The following ACTR3B variants were observed in gnomAD, a reference collection of about 807,000 sequenced individuals.
ACTR3B encodes actin-related protein 3B.
A neutral mutation model predicts 59.0 loss-of-function variants in ACTR3B; 8 were observed. The observed-to-expected ratio is 0.14, with a 90% confidence interval of 0.08 to 0.24. ACTR3B has a LOEUF of 0.24. Among genes scored for constraint, ACTR3B ranks in the 10% least tolerant of loss-of-function variants. The pLI, the probability that ACTR3B is intolerant of heterozygous loss-of-function variation, is 1.00. For synonymous variants in ACTR3B, 148 were observed against 197.9 expected (o/e 0.75, Z 2.12); for missense variants, 245 against 552.3 (o/e 0.44, Z 5.58).
chr7:152,853,052 A>C (rs1218754824), intron 10 of ACTR3B, among the ~76,000 whole-genome samples: 1 of 152,128 alleles, frequency 6.6e-6, no homozygotes, highest in East Asian at 1.9e-4. Context: ...CGGCCTCCCA[A>C]AGTGCTGGGA....
intron 9 of ACTR3B, among the ~76,000 whole-genome samples, chr7:152,829,862 T>C (rs977764097): frequency 2.6e-5 from 4 of 152,226 alleles, no homozygotes; most frequent in African/African-American, 7.2e-5. Flanking sequence ...TGTAATGTAA[T>C]GGATGTCTTT....
At chr7:152,801,345 G>A (rs1313777417) in intron 3 of ACTR3B, among the ~76,000 whole-genome samples, 39 of 152,292 alleles carry the variant, frequency 2.6e-4, no homozygotes, top group Admixed American at 1.2e-3. Context: ...CTCCCAAAGC[G>A]TTGGATTAGA....
At chr7:152,813,940 G>A (rs1419663602) in intron 4 of ACTR3B, 2 of 71,324 alleles carry the variant, frequency 2.8e-5, no homozygotes, top group African/African-American at 3.9e-5. Context: ...CCCCTTACTC[G>A]TCTCTGAATG....
intron 1 of ACTR3B, among the ~76,000 whole-genome samples, chr7:152,766,221 C>T (rs1168062628): frequency 6.6e-6 from 1 of 152,146 alleles, no homozygotes; most frequent in Non-Finnish European, 1.5e-5. Context: ...GCAAGCTTCC[C>T]GAGTCCTCAC....
chr7:152,792,775 AAAC>A (rs1318560565), intron 2 of ACTR3B, among the ~76,000 whole-genome samples: 4 of 151,980 alleles, frequency 2.6e-5, no homozygotes, highest in African/African-American at 7.3e-5. Flanking sequence ...ACAAAAACAA[AAAC>A]AACAACAACA....
intron 9 of ACTR3B, among the ~76,000 whole-genome samples, chr7:152,844,503 G>A (rs1158500754): frequency 6.6e-6 from 1 of 151,742 alleles, no homozygotes; most frequent in Non-Finnish European, 1.5e-5. Flanking sequence ...TAGGTTGTTA[G>A]GCTTACGTTT....
intron 4 of ACTR3B, among the ~76,000 whole-genome samples, chr7:152,804,158 A>C (rs568157464): frequency 6.6e-6 from 1 of 152,122 alleles, no homozygotes; most frequent in Non-Finnish European, 1.5e-5. Context: ...CTCAGCTTAC[A>C]CTGGTTATGT....
At chr7:152,794,509 C>A (rs1196957818) in intron 2 of ACTR3B, among the ~76,000 whole-genome samples, 1 of 152,232 alleles carries the variant, frequency 6.6e-6, no homozygotes, top group Non-Finnish European at 1.5e-5. Context: ...AGCCACTGTG[C>A]CCGGCTATCT....
chr7:152,846,808 G>A (rs1370198810), intron 9 of ACTR3B, among the ~76,000 whole-genome samples: 1 of 143,652 alleles, frequency 7.0e-6, no homozygotes, highest in Non-Finnish European at 1.5e-5. Context: ...TGCCTGGGCT[G>A]TAGTCTGCAG....
Position 152,854,676 on chromosome 7 carries a change from T to C in ACTR3B, c.*123T>C, listed in dbSNP as rs1799119363. ...GTTGCTGCCCAGCAGCGTGCTTGCA[T>C]TGCCGGTGCATGAGGCGCGGCGCGG... On this transcript the variant is annotated 3_prime_UTR_variant, in exon 12 of 12. Transcript: ENST00000256001. This position sits in a 1 kb window ranked among gnomAD's most constrained non-coding sequence, Gnocchi z 4.9. 1 of 1,036,442 alleles carries C rather than the reference T, an allele frequency of 9.6e-7. No individual in the cohort carries two copies. The allele number at this position is 1,036,442 out of a possible 1,614,324, so 64.2% of individuals were successfully genotyped here.
chr7:152,798,257 G>T (rs1357020790), intron 2 of ACTR3B, among the ~76,000 whole-genome samples: 2 of 151,912 alleles, frequency 1.3e-5, no homozygotes, highest in Admixed American at 1.3e-4. Context: ...TTGATATTGT[G>T]GGTTTGATTT....
intron 2 of ACTR3B, among the ~76,000 whole-genome samples, chr7:152,799,110 G>T (rs2098226684): frequency 6.6e-6 from 1 of 152,148 alleles, no homozygotes; most frequent in Admixed American, 6.5e-5. Flanking sequence ...TTGATTCAGA[G>T]AAATTTTATC....
At chr7:152,790,001 T>C (rs2966508) in intron 2 of ACTR3B, among the ~76,000 whole-genome samples, 48 of 149,800 alleles carry the variant, frequency 3.2e-4, no homozygotes, top group Admixed American at 2.5e-3. Flanking sequence ...CTCTTTCTTT[T>C]TTTTTTTTTT....
At chr7:152,847,441 C>T (rs926536675) in intron 9 of ACTR3B, among the ~76,000 whole-genome samples, 2 of 152,144 alleles carry the variant, frequency 1.3e-5, no homozygotes, top group African/African-American at 4.8e-5. Flanking sequence ...TTCATAAACT[C>T]GTTGAACAAT....
At chr7:152,835,908 TG>T (rs1797417575) in intron 9 of ACTR3B, among the ~76,000 whole-genome samples, 1 of 151,694 alleles carries the variant, frequency 6.6e-6, no homozygotes, top group Admixed American at 6.6e-5. Context: ...AGAACACTCC[TG>T]GCCCATGCGA....
At chr7:152,803,874 T>C (rs2098244245) in intron 4 of ACTR3B, among the ~76,000 whole-genome samples, 1 of 152,178 alleles carries the variant, frequency 6.6e-6, no homozygotes, top group Non-Finnish European at 1.5e-5. Flanking sequence ...TTGCATGTTG[T>C]GGTTGAGGAA....
chr7:152,838,904 C>T (rs1797671351), intron 9 of ACTR3B, among the ~76,000 whole-genome samples: 1 of 152,188 alleles, frequency 6.6e-6, no homozygotes, highest in Non-Finnish European at 1.5e-5. Flanking sequence ...GGAGGGGAGT[C>T]CACATTATAA....
At chr7:152,799,049 A>C (rs1188319415) in intron 2 of ACTR3B, among the ~76,000 whole-genome samples, 1 of 152,194 alleles carries the variant, frequency 6.6e-6, no homozygotes, top group South Asian at 2.1e-4. Context: ...GTATTTTGAT[A>C]AGGACTGTAC....
At chr7:152,796,011 T>C (rs1385778720) in intron 2 of ACTR3B, among the ~76,000 whole-genome samples, 1 of 152,026 alleles carries the variant, frequency 6.6e-6, no homozygotes, top group Non-Finnish European at 1.5e-5. Context: ...GCCTGGCTAA[T>C]TTTTGTATTT....
Sources: gnomAD v4.1 joint callset for allele counts (sites outside exome capture counted in the v4.1 genomes callset) on GRCh38, gnomAD v4.1.1 for gene constraint, Gnocchi (gnomAD v3.1) non-coding constraint, MANE v1.5 for transcripts, NCBI Gene and HGNC (gene_info 2026-07-23, HGNC 2026-07-21) for gene names.